LRTM3: variants seen among roughly 807,000 people sequenced by gnomAD.
The protein encoded by LRTM3 is leucine rich repeat transmembrane protein 3, also known as leucine-rich repeat transmembrane protein 3.
the LRTM3 span, chr13:102,737,216 A>T: frequency 6.4e-7 from 1 of 1,550,910 alleles, no homozygotes; most frequent in Non-Finnish European, 8.7e-7. Context: ...GTATTCTTGT[A>T]CTGTTTTTAC....
the LRTM3 span, chr13:102,740,192 T>C: frequency 6.5e-7 from 1 of 1,548,718 alleles, no homozygotes; most frequent in East Asian, 2.4e-5. Context: ...ATCAAAGACC[T>C]GTACCCCATC....
chr13:102,757,312 T>A, the LRTM3 span, among the ~76,000 whole-genome samples: 12 of 152,182 alleles, frequency 7.9e-5, no homozygotes, highest in Non-Finnish European at 1.6e-4. Context: ...AGCCCTTTTA[T>A]ACCTGACAAA....
chr13:102,738,400 C>T, the LRTM3 span: 2 of 1,550,710 alleles, frequency 1.3e-6, no homozygotes, highest in African/African-American at 1.4e-5. Context: ...TCCTTGTATC[C>T]AGTTGTAAAT....
chr13:102,734,344 C>T, the LRTM3 span: 7 of 1,551,370 alleles, frequency 4.5e-6, no homozygotes, highest in East Asian at 1.7e-4. Flanking sequence ...TACCTCCAAG[C>T]CTTTCTTCAT....
chr13:102,758,597 T>G, the LRTM3 span: 1 of 1,540,686 alleles, frequency 6.5e-7, no homozygotes, highest in South Asian at 1.2e-5. Context: ...GGAAAAAAAA[T>G]TGTTAGAGGA....
the LRTM3 span, chr13:102,729,996 C>T: frequency 1.3e-6 from 2 of 1,551,738 alleles, no homozygotes; most frequent in Non-Finnish European, 1.7e-6. Context: ...GAAATCTTCT[C>T]TTCACTGAAT....
chr13:102,752,113 G>A, the LRTM3 span, among the ~76,000 whole-genome samples: 1 of 152,164 alleles, frequency 6.6e-6, no homozygotes, highest in Non-Finnish European at 1.5e-5. Context: ...CAACCACAGA[G>A]TGGTTCTGCC....
the LRTM3 span, chr13:102,737,972 T>C: frequency 7.2e-3 from 11,151 of 1,551,140 alleles, 56 homozygotes; most frequent in Middle Eastern, 0.032. Flanking sequence ...TTTCTGTTGC[T>C]CTTCAACTTC....
the LRTM3 span, among the ~76,000 whole-genome samples, chr13:102,757,061 A>G: frequency 6.6e-6 from 1 of 152,220 alleles, no homozygotes; most frequent in East Asian, 1.9e-4. Flanking sequence ...TTGGGTCACC[A>G]TGCACACCTA....
chr13:102,752,661 C>T, the LRTM3 span, among the ~76,000 whole-genome samples: 81,023 of 152,032 alleles, frequency 0.53, 24,521 homozygotes, highest in Non-Finnish European at 0.67. Context: ...TTTTAGAGCA[C>T]TTATTAACCT....
At chr13:102,730,365 G>C in the LRTM3 span, 17 of 1,550,768 alleles carry the variant, frequency 1.1e-5, no homozygotes, top group South Asian at 2.0e-4. Context: ...AAGTCAGCTG[G>C]ACTCTCAATA....
the LRTM3 span, chr13:102,739,241 A>G: frequency 6.4e-7 from 1 of 1,550,430 alleles, no homozygotes; most frequent in Non-Finnish European, 8.7e-7. Flanking sequence ...ATGTCTAAAA[A>G]GTGATTTCTT....
chr13:102,732,340 A>G, the LRTM3 span: 1 of 1,551,306 alleles, frequency 6.4e-7, no homozygotes, highest in Non-Finnish European at 8.7e-7. Flanking sequence ...ATTTCTTTCT[A>G]TTGCTTGGTG....
the LRTM3 span, chr13:102,737,244 C>A: frequency 2.0e-5 from 31 of 1,550,934 alleles, no homozygotes; most frequent in Non-Finnish European, 2.7e-5. Flanking sequence ...GAGCTATCCA[C>A]CCCAAAAGAC....
the LRTM3 span, chr13:102,732,997 C>A: frequency 6.4e-7 from 1 of 1,551,314 alleles, no homozygotes; most frequent in Non-Finnish European, 8.7e-7. Context: ...ATGCCTGCTT[C>A]CTTCCCCCTT....
chr13:102,737,864 G>T, the LRTM3 span: 1 of 1,550,636 alleles, frequency 6.4e-7, no homozygotes, highest in Non-Finnish European at 8.7e-7. Context: ...TATATAATGG[G>T]TTAGAGAAGA....
the LRTM3 span, chr13:102,733,946 T>A: frequency 1.3e-6 from 2 of 1,551,214 alleles, no homozygotes; most frequent in Non-Finnish European, 1.7e-6. Flanking sequence ...GAGAGTTCGC[T>A]GTGGACAAGA....
At chr13:102,732,363 T>C in the LRTM3 span, 1 of 1,551,276 alleles carries the variant, frequency 6.4e-7, no homozygotes, top group Non-Finnish European at 8.7e-7. Context: ...CCACGCCCCG[T>C]GATATTAAGC....
the LRTM3 span, chr13:102,749,109 ATTCT>A: frequency 6.5e-7 from 1 of 1,549,698 alleles, no homozygotes; most frequent in Non-Finnish European, 8.7e-7. Flanking sequence ...CTTTCATGTA[ATTCT>A]TTCTTCTCAG....
Sources: gnomAD v4.1 joint callset for allele counts (sites outside exome capture counted in the v4.1 genomes callset) on GRCh38, gnomAD v4.1.1 for gene constraint, MANE v1.5 for transcripts, NCBI Gene and HGNC (gene_info 2026-07-23, HGNC 2026-07-21) for gene names.